FAM135B: variants seen among roughly 807,000 people sequenced by gnomAD.
FAM135B encodes protein FAM135B.
Under a neutral mutation model 127.7 loss-of-function variants are expected in FAM135B, and 43 were observed. The ratio of observed to expected loss-of-function variants is 0.34; its 90% CI spans 0.26 to 0.43. The LOEUF (loss-of-function observed/expected upper bound fraction) is 0.43, where lower values mean the gene tolerates loss of function less well. Among genes scored for constraint, FAM135B ranks in the 20% least tolerant of loss-of-function variants. The pLI, the probability that FAM135B is intolerant of heterozygous loss-of-function variation, is 1.00. For missense variants in FAM135B, 1,558 were observed against 1,725.6 expected, an observed-to-expected ratio of 0.90 and a Z score of 1.72; for synonymous variants, 670 against 665.1, an observed-to-expected ratio of 1.01 and a Z score of -0.11.
In FAM135B at chr8:138,243,986, T is replaced by C. The variant is rs1013727165; in HGVS notation, c.543-918A>G. Reference sequence around the variant, plus strand: ...ATAAATAGCCCCAGGTGACATCATCTTCATCATCTTCACTATGGGTGCTCA... The same window carrying C: ...ATAAATAGCCCCAGGTGACATCATCCTCATCATCTTCACTATGGGTGCTCA... On this transcript the variant is annotated intron_variant, in intron 6 of 19. Transcript: ENST00000395297. This position sits in a 1 kb window ranked among gnomAD's most constrained non-coding sequence, Gnocchi z 7.5. Among the ~76,000 whole-genome samples, 1 of 152,194 alleles carries C rather than the reference T, an allele frequency of 6.6e-6. No homozygotes were observed. Among genetic ancestry groups the C allele is most frequent in the Non-Finnish European group, 1.5e-5 (1 of 68,034 alleles).
intron 1 of FAM135B, among the ~76,000 whole-genome samples, chr8:138,419,905 TAAC>T (rs1834387324): frequency 6.6e-6 from 1 of 151,928 alleles, no homozygotes; most frequent in South Asian, 2.1e-4. Context: ...GGTCTCAAAT[TAAC>T]AACCTAACAT....
chr8:138,466,482 T>C (rs558723409), intron 1 of FAM135B, among the ~76,000 whole-genome samples: 138 of 152,252 alleles, frequency 9.1e-4, no homozygotes, highest in African/African-American at 3.2e-3. Context: ...GGCAGCTGCA[T>C]CCAGAACCTG....
At chr8:138,347,513 A>T (rs1254835209) in intron 2 of FAM135B, among the ~76,000 whole-genome samples, 1 of 152,250 alleles carries the variant, frequency 6.6e-6, no homozygotes, top group Non-Finnish European at 1.5e-5. Flanking sequence ...AAAGATCACA[A>T]GAAGGAAACA....
intron 3 of FAM135B, among the ~76,000 whole-genome samples, chr8:138,298,439 C>T (rs1034519111): frequency 1.3e-5 from 2 of 152,102 alleles, no homozygotes; most frequent in Admixed American, 1.3e-4. Flanking sequence ...ACAAGCTAGA[C>T]AAAGATTGGG....
At chr8:138,353,071 C>T (rs1202085562) in intron 2 of FAM135B, among the ~76,000 whole-genome samples, 1 of 152,150 alleles carries the variant, frequency 6.6e-6, no homozygotes, top group Non-Finnish European at 1.5e-5. Flanking sequence ...GACCCATATC[C>T]GATCACATCA....
At position 138,222,649 on chromosome 8, in the gene FAM135B, T is replaced by G. The variant is rs191890479; in HGVS notation, c.669+20293A>C. Among the ~76,000 whole-genome samples, 78 of 151,578 alleles carry G rather than the reference T, an allele frequency of 5.1e-4. No homozygotes were observed. The East Asian group carries it at 0.015, about 29-fold the overall frequency. Reference sequence around the variant, plus strand: ...TTTAGATGTGGTGGGGTTTTTTGTTTGTTTGTTTGTAGGATTTTTGTTGGT... The same window carrying G: ...TTTAGATGTGGTGGGGTTTTTTGTTGGTTTGTTTGTAGGATTTTTGTTGGT... On this transcript the variant is annotated intron_variant, in intron 7 of 19. Coordinates refer to ENST00000395297, the MANE Select transcript of FAM135B (RefSeq NM_015912.4).
intron 1 of FAM135B, among the ~76,000 whole-genome samples, chr8:138,465,093 G>A (rs181333172): frequency 2.6e-5 from 4 of 152,272 alleles, no homozygotes; most frequent in Non-Finnish European, 2.9e-5. Flanking sequence ...AGCCAAAAGC[G>A]GGAAGAGAAA....
At chr8:138,265,336 T>G (rs11997562) in intron 4 of FAM135B, among the ~76,000 whole-genome samples, 79,975 of 151,882 alleles carry the variant, frequency 0.53, 21,313 homozygotes, top group Middle Eastern at 0.61. Flanking sequence ...GTTCTGTCCC[T>G]TACCCAAGGG....
rs1445674391 is a variant in FAM135B at position 138,170,606 on chromosome 8, T to C, written c.1104-2557A>G. Among the ~76,000 whole-genome samples, 7 of 152,332 alleles carry C rather than the reference T, an allele frequency of 4.6e-5. 1 individual carries two copies. The highest frequency in any genetic ancestry group is 3.9e-4 in the Admixed American group (6 of 15,300). ...CAAGGGGTGGATTTGTGATGGTTGATTTTGGATGTCACCATGATTGGATTA... is the reference window on the plus strand; with the variant it reads ...CAAGGGGTGGATTTGTGATGGTTGACTTTGGATGTCACCATGATTGGATTA... On this transcript the variant is annotated intron_variant, in intron 11 of 19. Coordinates refer to ENST00000395297, the MANE Select transcript of FAM135B (RefSeq NM_015912.4).
chr8:138,403,756 A>T (rs1459809404), intron 1 of FAM135B, among the ~76,000 whole-genome samples: 1 of 152,062 alleles, frequency 6.6e-6, no homozygotes, highest in Non-Finnish European at 1.5e-5. Flanking sequence ...TCCCCCAAAG[A>T]CCTACACCTC....
intron 3 of FAM135B, among the ~76,000 whole-genome samples, chr8:138,279,206 C>T (rs1481098922): frequency 2.6e-5 from 4 of 152,170 alleles, no homozygotes; most frequent in South Asian, 2.1e-4. Context: ...AGAGTAATTG[C>T]TCCCTCGTCT....
At chr8:138,190,216 C>A (rs1276709967) in intron 9 of FAM135B, among the ~76,000 whole-genome samples, 1 of 152,202 alleles carries the variant, frequency 6.6e-6, no homozygotes, top group Non-Finnish European at 1.5e-5. Context: ...ACATCCACAA[C>A]CCTCACCACT....
intron 1 of FAM135B, among the ~76,000 whole-genome samples, chr8:138,436,289 A>T (rs942713992): frequency 1.3e-5 from 2 of 152,242 alleles, no homozygotes; most frequent in African/African-American, 2.4e-5. Context: ...GCTGAAAAAA[A>T]TCACACTTAT....
chr8:138,324,582 T>C (rs371336746), intron 2 of FAM135B, among the ~76,000 whole-genome samples: 31 of 152,312 alleles, frequency 2.0e-4, no homozygotes, highest in African/African-American at 7.0e-4. Flanking sequence ...ACCTATTACT[T>C]TGATACCTGA....
At position 138,163,675 on chromosome 8, in the gene FAM135B, G is replaced by A. The variant is rs117476630; in HGVS notation, c.1258+4220C>T. 6.0e-3 allele frequency among the ~76,000 whole-genome samples: 917 copies of A among 152,214 alleles called. 6 individuals are homozygous for A. Among genetic ancestry groups the A allele is most frequent in the Non-Finnish European group, 9.9e-3 (670 of 68,016 alleles). On this transcript the variant is annotated intron_variant, in intron 12 of 19. Transcript: ENST00000395297. ...CACCGTGTGATGCCTCCCTAGCCAC[G>A]TGGAACTGTGAGTCCATTAAACCTC... is the stretch of plus-strand genomic sequence containing the variant.
intron 3 of FAM135B, among the ~76,000 whole-genome samples, chr8:138,280,037 C>T (rs998234338): frequency 1.3e-5 from 2 of 152,136 alleles, no homozygotes; most frequent in African/African-American, 4.8e-5. Flanking sequence ...TTTATAAACG[C>T]ATTTCACAAA....
chr8:138,285,654 C>G (rs1440494903), intron 3 of FAM135B, among the ~76,000 whole-genome samples: 1 of 152,198 alleles, frequency 6.6e-6, no homozygotes, highest in East Asian at 1.9e-4. Flanking sequence ...GCCATTGGCA[C>G]ATATTTCAGA....
At chr8:138,377,146 T>A (rs957531960) in intron 1 of FAM135B, among the ~76,000 whole-genome samples, 2 of 152,224 alleles carry the variant, frequency 1.3e-5, no homozygotes, top group African/African-American at 4.8e-5. Context: ...CTTTAAAACG[T>A]GAATCTTCAG....
At chr8:138,237,150 A>ATTTTTTTTTT (rs10604150) in intron 7 of FAM135B, among the ~76,000 whole-genome samples, 2 of 101,320 alleles carry the variant, frequency 2.0e-5, no homozygotes, top group African/African-American at 8.3e-5. Context: ...TGGATCCTTG[A>ATTTTTTTTTT]TTTTTTTTTT....
Sources: allele counts gnomAD v4.1 joint callset (sites outside exome capture counted in the v4.1 genomes callset), GRCh38; gene constraint gnomAD v4.1.1; non-coding constraint Gnocchi (gnomAD v3.1); transcripts MANE v1.5; gene names NCBI Gene and HGNC (gene_info 2026-07-23, HGNC 2026-07-21).